Variants in MDFI observed in about 807,000 individuals in gnomAD.
MDFI encodes the protein MyoD family inhibitor.
In MDFI, 16 loss-of-function variants were observed where a neutral mutation model predicts 22.3. The observed-to-expected ratio is 0.72, with a 90% CI of 0.49 to 1.09. The LOEUF is 1.09. Ranked by LOEUF, MDFI falls within the 50% of genes least tolerant of loss-of-function variation. The pLI is 0.00. For missense variants in MDFI, 314 were observed against 326.1 expected (o/e 0.96, Z 0.29); for synonymous variants, 145 against 142.7 (o/e 1.02, Z -0.12).
At chr6:41,649,061 G>A (rs976001448) in intron 3 of MDFI, among the ~76,000 whole-genome samples, 1 of 152,230 alleles carries the variant, frequency 6.6e-6, no homozygotes, top group Non-Finnish European at 1.5e-5. Context: ...GAGGCACCAG[G>A]TGGAAGGAGC....
At chr6:41,648,700 C>T (rs1290065411) in intron 3 of MDFI, among the ~76,000 whole-genome samples, 1 of 152,170 alleles carries the variant, frequency 6.6e-6, no homozygotes, top group Admixed American at 6.5e-5. Context: ...CCAGAGCTCT[C>T]AGTGACCCCT....
chr6:41,652,635 G>A (rs867473366), intron 4 of MDFI, among the ~76,000 whole-genome samples: 15 of 120,520 alleles, frequency 1.2e-4, no homozygotes, highest in African/African-American at 4.5e-4. Flanking sequence ...TTTTTTGAGA[G>A]AGAGTCCAGC....
intron 2 of MDFI, chr6:41,639,360 C>T (rs1767764378): frequency 8.1e-6 from 8 of 985,240 alleles, no homozygotes; most frequent in Non-Finnish European, 9.6e-6. Flanking sequence ...CTCGTGCCGG[C>T]CAGTCCCCGC....
intron 2 of MDFI, chr6:41,639,719 G>C: frequency 1.0e-6 from 1 of 985,440 alleles, no homozygotes; most frequent in Non-Finnish European, 1.2e-6. Context: ...CTAAGTCGTT[G>C]CCTTCCTCCC....
At chr6:41,645,729 C>CCT (rs1768024371) in intron 2 of MDFI, among the ~76,000 whole-genome samples, 2 of 152,280 alleles carry the variant, frequency 1.3e-5, no homozygotes, top group South Asian at 4.1e-4. Flanking sequence ...TCTCCCTTTA[C>CCT]CTCTACCTCT....
chr6:41,640,210 T>TCCTGCCTCCTC, intron 2 of MDFI, among the ~76,000 whole-genome samples: 1 of 152,232 alleles, frequency 6.6e-6, no homozygotes, highest in Admixed American at 6.5e-5. Context: ...TGGGCCTCCT[T>TCCTGCCTCCTC]CCTGCCTCCT....
chr6:41,642,293 T>C (rs1476988656), intron 2 of MDFI, among the ~76,000 whole-genome samples: 3 of 152,216 alleles, frequency 2.0e-5, no homozygotes, highest in Non-Finnish European at 4.4e-5. Context: ...AGGCACCTTC[T>C]GCAGTACATG....
In MDFI at chr6:41,646,496, A is replaced by G. The variant is rs9471616; in HGVS notation, c.259+188A>G. 0.091 allele frequency among the ~76,000 whole-genome samples: 13,884 copies of G among 152,138 alleles called. 777 individuals carry two copies. The highest frequency in any genetic ancestry group is 0.15 in the African/African-American group (6,340 of 41,482). On this transcript the variant is annotated intron_variant, in intron 3 of 4. Transcript: ENST00000230321. The stretch of plus-strand genomic sequence containing the variant: ...GTCAAGGGGAAGACCTCCACTGCAA[A>G]GTGACTAGGAAGCAGGGAGTGTGGG...
At chr6:41,646,031 T>A in intron 2 of MDFI, 95 bp from the exon 3 acceptor site, 1 of 1,115,478 alleles carries the variant, frequency 9.0e-7, no homozygotes, top group Non-Finnish European at 1.2e-6. Context: ...AGAATGAGGG[T>A]TCAGTGGGCA....
intron 2 of MDFI, among the ~76,000 whole-genome samples, chr6:41,641,200 G>T (rs2268411): frequency 6.6e-6 from 1 of 152,154 alleles, no homozygotes; most frequent in Non-Finnish European, 1.5e-5. Context: ...GGCATTTGCC[G>T]AGTGCCCCCT....
chr6:41,638,637 A>G lies in MDFI; in HGVS notation c.-27A>G, dbSNP rs1464790755. On this transcript the variant is annotated 5_prime_UTR_variant, in exon 1 of 5. An upstream open reading frame in the 5' UTR loses its in-frame stop. Coordinates refer to ENST00000230321, the MANE Select transcript of MDFI (RefSeq NM_005586.4). This position sits in a 1 kb window ranked among gnomAD's most constrained non-coding sequence, Gnocchi z 7.6. ...CGGGGATCCGGCTGGAAGAGAGCGT[A>G]GCACGGCTCGCACGAGTGAGTGGAC... The G allele has an allele frequency of 6.3e-6, 8 of 1,263,504 alleles. No homozygotes were observed. The highest frequency in any genetic ancestry group is 1.5e-5 in the African/African-American group (1 of 66,632). The allele number at this position is 1,263,504 out of a possible 1,614,324, so 78.3% of individuals were successfully genotyped here. A position where few individuals can be genotyped will look rare whatever the true frequency, so the allele number is the denominator to read the frequency against.
chr6:41,637,753 C>G (rs1767693369), upstream of MDFI, among the ~76,000 whole-genome samples: 1 of 152,258 alleles, frequency 6.6e-6, no homozygotes, highest in African/African-American at 2.4e-5. This position sits in a 1 kb window ranked among gnomAD's most constrained non-coding sequence, Gnocchi z 6.8. Context: ...TCTTAGAAGC[C>G]CTCGGATTCA....
At chr6:41,649,088 G>A (rs1581840344) in intron 3 of MDFI, among the ~76,000 whole-genome samples, 2 of 152,220 alleles carry the variant, frequency 1.3e-5, no homozygotes, top group South Asian at 2.1e-4. Context: ...TAGAGGGGCT[G>A]CAGTGAGGAG....
chr6:41,637,537 G>A (rs1001656271), upstream of MDFI, among the ~76,000 whole-genome samples: 1 of 151,916 alleles, frequency 6.6e-6, no homozygotes, highest in Admixed American at 6.6e-5. The surrounding 1 kb of genome is among the most constrained non-coding windows in gnomAD (Gnocchi z 6.8). Context: ...CCACGGGCCC[G>A]CCCAGCCCCA....
At chr6:41,645,573 C>T (rs1207997388) in intron 2 of MDFI, among the ~76,000 whole-genome samples, 2 of 152,102 alleles carry the variant, frequency 1.3e-5, no homozygotes, top group Admixed American at 6.5e-5. Flanking sequence ...CCTTCTCTGT[C>T]GCCTCTGCCC....
At chr6:41,646,092 G>A (rs762667696) in intron 2 of MDFI, 34 bp from the exon 3 acceptor site, 1 of 1,432,964 alleles carries the variant, frequency 7.0e-7, no homozygotes, top group Admixed American at 2.8e-5. Flanking sequence ...AAGGCCCCAG[G>A]AAAATGGACC....
In MDFI at chr6:41,653,266, A is replaced by T; in HGVS notation, c.485-53A>T. 1 of 1,575,868 alleles carries T rather than the reference A, an allele frequency of 6.3e-7. No homozygotes were observed. The highest frequency in any genetic ancestry group is 8.6e-7 in the Non-Finnish European group (1 of 1,157,118). ...CCCCACACCCCCGGCTATTTCACAC[A>T]CGCTCATCCCTCCCCTCTCTCACCC... On this transcript the variant is annotated intron_variant, in intron 4 of 4. Transcript: ENST00000230321. The surrounding 1 kb of genome is among the most constrained non-coding windows in gnomAD (Gnocchi z 4.2).
At chr6:41,646,733 G>T (rs2127432100) in intron 3 of MDFI, among the ~76,000 whole-genome samples, 1 of 152,292 alleles carries the variant, frequency 6.6e-6, no homozygotes, top group South Asian at 2.1e-4. Context: ...CCCAGGCCTG[G>T]CTCGAGTTCT....
At chr6:41,648,068 G>A (rs989612428) in intron 3 of MDFI, among the ~76,000 whole-genome samples, 1 of 118,216 alleles carries the variant, frequency 8.5e-6, no homozygotes, top group Non-Finnish European at 1.8e-5. Context: ...AAAAAAAAAA[G>A]AAGCTGCTCC....
Sources: gnomAD v4.1 joint callset for allele counts (sites outside exome capture counted in the v4.1 genomes callset) on GRCh38, gnomAD v4.1.1 for gene constraint, Gnocchi (gnomAD v3.1) non-coding constraint, MANE v1.5 for transcripts, NCBI Gene and HGNC (gene_info 2026-07-23, HGNC 2026-07-21) for gene names.